The following DSC3 variants were observed in gnomAD, a reference collection of about 807,000 sequenced individuals.
DSC3 encodes desmocollin 3.
Under a neutral mutation model 89.5 loss-of-function variants are expected in DSC3, and 97 were observed. The ratio of observed to expected loss-of-function variants is 1.08; its 90% CI spans 0.92 to 1.28. The LOEUF (loss-of-function observed/expected upper bound fraction) is 1.28. Ranked by LOEUF, DSC3 falls within the 50% of genes most tolerant of loss-of-function variation. The probability of loss-of-function intolerance (pLI) is 0.00; values close to 1 mark genes in which losing one functional copy is unlikely to be tolerated. For synonymous variants in DSC3, 436 were observed against 384.1 expected, an observed-to-expected ratio of 1.14 and a Z score of -1.58; for missense variants, 1,199 against 1,085.3, an observed-to-expected ratio of 1.10 and a Z score of -1.47.
chr18:31,025,644 C>G, intron 5 of DSC3, 116 bp downstream of exon 5: 1 of 1,137,394 alleles, frequency 8.8e-7, no homozygotes, highest in Non-Finnish European at 1.3e-6. Context: ...TTCCCATTGA[C>G]TCTAAGATAC....
Position 30,996,936 on chromosome 18 carries a change from T to G in DSC3, c.2348A>C (p.Lys783Thr), listed in dbSNP as rs1476605878. ...GGATTCCAAGGTCTGGTTTCCTCCTTTCATCATTTCAATGGTTTCCTGCCC... is the reference window on the plus strand; with the variant it reads ...GGATTCCAAGGTCTGGTTTCCTCCTGTCATCATTTCAATGGTTTCCTGCCC... ...NGGQETIEMM[K>T]GGNQTLESCR... The change falls in exon 15 of 16, where the codon AAA becomes ACA. Residue 783 changes from lysine (K) to threonine (T), a missense_variant. Transcript: ENST00000360428. 1 of 1,614,126 alleles carries G rather than the reference T, an allele frequency of 6.2e-7. No individual in the cohort carries two copies. The highest frequency in any genetic ancestry group is 1.7e-5 in the Admixed American group (1 of 60,022).
In DSC3 at chr18:30,992,516, A is replaced by G. The variant is rs1042739538; in HGVS notation, c.*1659T>C. On this transcript the variant is annotated 3_prime_UTR_variant, in exon 16 of 16. Coordinates refer to ENST00000360428, the MANE Select transcript of DSC3 (RefSeq NM_001941.5). The stretch of plus-strand genomic sequence containing the variant: ...AAATGGCAGTTGCCATTGGCCTGAG[A>G]AAGGAAAAGGCAGTGCCAAGCCTAG... 2 of 152,222 alleles carry G rather than the reference A, an allele frequency of 1.3e-5. No individual in the cohort carries two copies. The highest frequency in any genetic ancestry group is 4.8e-5 in the African/African-American group (2 of 41,460). The allele number at this position is 152,222 out of a possible 1,614,324, so 9.4% of individuals were successfully genotyped here. A position where few individuals can be genotyped will look rare whatever the true frequency, so the allele number is the denominator to read the frequency against.
chr18:31,022,862 T>G (rs879642249), intron 6 of DSC3, among the ~76,000 whole-genome samples: 6 of 152,194 alleles, frequency 3.9e-5, no homozygotes, highest in Non-Finnish European at 8.8e-5. Flanking sequence ...ATAATCAGAT[T>G]TTTTAAAAAT....
chr18:31,014,135 A>C (rs1228726133), intron 9 of DSC3, among the ~76,000 whole-genome samples: 1 of 152,050 alleles, frequency 6.6e-6, no homozygotes, highest in African/African-American at 2.4e-5. Flanking sequence ...GAATGAAGAA[A>C]AGCACAGAAT....
chr18:31,018,233 A>AC lies in DSC3; in HGVS notation c.1100_1101insG (p.Asn367LysfsTer15), dbSNP rs1249893858. 6.2e-7 allele frequency: 1 copy of AC among 1,611,456 alleles called. No individual in the cohort carries two copies. The highest frequency in any genetic ancestry group is 8.5e-7 in the Non-Finnish European group (1 of 1,178,996). On this transcript the variant is annotated frameshift_variant, in exon 9 of 16. Coordinates refer to ENST00000360428, the MANE Select transcript of DSC3 (RefSeq NM_001941.5). LOFTEE classifies it high-confidence loss of function. ...TTCGTAAGATTTCCACATTGAATGCATTTTCCTCTACAAATGCTTCATACT... is the reference window on the plus strand; with the variant it reads ...TTCGTAAGATTTCCACATTGAATGCACTTTTCCTCTACAAATGCTTCATACT...
intron 15 of DSC3, 46 bp downstream of exon 15, chr18:30,996,745 A>C: frequency 1.9e-6 from 3 of 1,609,282 alleles, no homozygotes; most frequent in Non-Finnish European, 2.5e-6. Context: ...ATTTTTCTCC[A>C]TTCGGAGGTT....
intron 7 of DSC3, among the ~76,000 whole-genome samples, chr18:31,019,683 A>G (rs1472480987): frequency 5.9e-5 from 9 of 152,158 alleles, no homozygotes; most frequent in Admixed American, 5.2e-4. Flanking sequence ...CTCCCAAGCT[A>G]CTTGAGGTGC....
intron 12 of DSC3, among the ~76,000 whole-genome samples, chr18:31,006,250 C>A (rs546575651): frequency 6.6e-6 from 1 of 151,800 alleles, no homozygotes; most frequent in Non-Finnish European, 1.5e-5. Flanking sequence ...GCTTACAATA[C>A]AATTTAAACT....
intron 9 of DSC3, among the ~76,000 whole-genome samples, chr18:31,009,490 A>G (rs866248505): frequency 1.6e-4 from 25 of 152,198 alleles, no homozygotes; most frequent in African/African-American, 5.8e-4. Context: ...TTCATGAATG[A>G]GTTAAAACCT....
rs114245564 is a variant in DSC3 at position 31,008,383 on chromosome 18, G to A, written c.1406C>T (p.Pro469Leu). The A allele has an allele frequency of 6.7e-4, 1,083 of 1,614,066 alleles. No homozygotes were observed. The highest frequency in any genetic ancestry group is 4.0e-3 in the Middle Eastern group (24 of 6,062). Residue 469 changes from proline (P) to leucine (L), a missense_variant, in exon 10 of 16, where the codon CCT becomes CTT. By Grantham distance (98) the Pro-to-Leu change is moderately conservative. Transcript: ENST00000360428. The stretch of plus-strand genomic sequence containing the variant: ...ATATTGGGCTGCAGGAGTGCATTCA[G>A]GCCCCTCATCCAGATCCCTCACATG... ...TVHVRDLDEG[P>L]ECTPAAQYVR...
chr18:31,005,893 A>G (rs1984821454), intron 12 of DSC3, among the ~76,000 whole-genome samples: 1 of 152,186 alleles, frequency 6.6e-6, no homozygotes, highest in South Asian at 2.1e-4. Context: ...GTTCATCTCT[A>G]TATAAATCCT....
intron 1 of DSC3, among the ~76,000 whole-genome samples, chr18:31,033,183 G>C (rs1985858670): frequency 6.6e-6 from 1 of 152,070 alleles, no homozygotes; most frequent in Non-Finnish European, 1.5e-5. Flanking sequence ...GATAAATAGA[G>C]AGATAGCCCA....
intron 3 of DSC3, 45 bp from the exon 4 acceptor site, chr18:31,029,673 C>T: frequency 6.2e-7 from 1 of 1,611,606 alleles, no homozygotes; most frequent in Non-Finnish European, 8.5e-7. Context: ...AAAAGCATCA[C>T]AGTCTACTTT....
intron 15 of DSC3, among the ~76,000 whole-genome samples, chr18:30,994,699 A>C (rs898047708): frequency 2.0e-5 from 3 of 152,220 alleles, no homozygotes; most frequent in African/African-American, 7.2e-5. Context: ...GACAATAGTC[A>C]TACTGGTTAG....
intron 9 of DSC3, among the ~76,000 whole-genome samples, chr18:31,016,559 C>A (rs1002696035): frequency 1.3e-5 from 2 of 152,124 alleles, no homozygotes; most frequent in African/African-American, 4.8e-5. Flanking sequence ...AATTATACAC[C>A]ACAGCCCCTC....
chr18:31,001,089 G>GTGTA (rs141615987), intron 14 of DSC3, among the ~76,000 whole-genome samples: 2,869 of 125,950 alleles, frequency 0.023, 99 homozygotes, highest in African/African-American at 0.058. Context: ...TTGTGTGTGT[G>GTGTA]TATATATATA....
intron 1 of DSC3, among the ~76,000 whole-genome samples, chr18:31,036,900 C>A (rs1336883053): frequency 6.7e-6 from 1 of 149,734 alleles, no homozygotes; most frequent in Non-Finnish European, 1.5e-5. Flanking sequence ...TCAAGCAATT[C>A]TCCTGCCTCA....
At chr18:31,006,637 A>G (rs1255502096) in intron 12 of DSC3, among the ~76,000 whole-genome samples, 1 of 152,118 alleles carries the variant, frequency 6.6e-6, no homozygotes, top group African/African-American at 2.4e-5. Context: ...ACACACACAC[A>G]AAGTTTGTCT....
At chr18:31,006,837 A>G (rs1984859337) in intron 12 of DSC3, 70 bp downstream of exon 12, 4 of 1,247,250 alleles carry the variant, frequency 3.2e-6, no homozygotes, top group Non-Finnish European at 4.6e-6. Flanking sequence ...TGTGTAAGTA[A>G]GCAAGTCAAT....
Sources: allele counts gnomAD v4.1 joint callset (sites outside exome capture counted in the v4.1 genomes callset), GRCh38; gene constraint gnomAD v4.1.1; transcripts MANE v1.5; gene names NCBI Gene and HGNC (gene_info 2026-07-23, HGNC 2026-07-21).